LRRTM4: variants seen among roughly 807,000 people sequenced by gnomAD.
The protein encoded by LRRTM4 is leucine-rich repeat transmembrane neuronal protein 4.
In LRRTM4, 25 loss-of-function variants were observed where a neutral mutation model predicts 47.6. That is an observed-to-expected ratio of 0.53 (90% CI 0.38 to 0.73). LRRTM4 has a LOEUF of 0.73. Among genes scored for constraint, LRRTM4 ranks in the 30% least tolerant of loss-of-function variants. LRRTM4 has a pLI of 0.00. For missense variants in LRRTM4, 638 were observed against 713.4 expected (o/e 0.89, Z 1.20); for synonymous variants, 311 against 269.5 (o/e 1.15, Z -1.51).
intron 3 of LRRTM4, among the ~76,000 whole-genome samples, chr2:77,490,302 C>T (rs1678092145): frequency 1.3e-5 from 2 of 151,374 alleles, no homozygotes; most frequent in African/African-American, 2.4e-5. Flanking sequence ...TCTGACAAGA[C>T]TTGAAGAAAA....
intron 3 of LRRTM4, among the ~76,000 whole-genome samples, chr2:77,086,100 C>T (rs967562471): frequency 4.6e-5 from 7 of 152,062 alleles, no homozygotes; most frequent in Non-Finnish European, 5.9e-5. Context: ...TCACTGAAGC[C>T]GGACTGTAAA....
intron 3 of LRRTM4, among the ~76,000 whole-genome samples, chr2:77,371,447 G>A (rs2103769939): frequency 6.6e-6 from 1 of 151,642 alleles, no homozygotes; most frequent in African/African-American, 2.4e-5. Flanking sequence ...AATTTTCTCT[G>A]TACCAAATTT....
intron 3 of LRRTM4, among the ~76,000 whole-genome samples, chr2:77,112,773 C>CAA (rs1671284574): frequency 6.6e-6 from 1 of 152,132 alleles, no homozygotes; most frequent in Non-Finnish European, 1.5e-5. Context: ...CTTTATGGCC[C>CAA]ATGCCCACAG....
chr2:76,851,305 T>A (rs1350191236), intron 3 of LRRTM4, among the ~76,000 whole-genome samples: 1 of 152,146 alleles, frequency 6.6e-6, no homozygotes, highest in Non-Finnish European at 1.5e-5. Context: ...AATAAAAAAA[T>A]GATGCCATTC....
At chr2:77,430,519 C>T (rs563812035) in intron 3 of LRRTM4, among the ~76,000 whole-genome samples, 2 of 151,986 alleles carry the variant, frequency 1.3e-5, no homozygotes, top group African/African-American at 2.4e-5. Context: ...ATCGGGAGTT[C>T]GAGACCAGCC....
intron 3 of LRRTM4, among the ~76,000 whole-genome samples, chr2:76,844,723 A>G (rs970706245): frequency 3.9e-5 from 6 of 152,176 alleles, no homozygotes; most frequent in Non-Finnish European, 8.8e-5. Flanking sequence ...CCCTCTTCTG[A>G]AATCATTAAA....
chr2:77,455,807 A>AT (rs1412132321), intron 3 of LRRTM4, among the ~76,000 whole-genome samples: 1 of 151,858 alleles, frequency 6.6e-6, no homozygotes, highest in Non-Finnish European at 1.5e-5. Context: ...TCCTGTTTTT[A>AT]TTGGAAGTTG....
intron 3 of LRRTM4, among the ~76,000 whole-genome samples, chr2:77,018,182 C>T (rs13388164): frequency 0.087 from 12,955 of 148,948 alleles, 1,309 homozygotes; most frequent in African/African-American, 0.24. Flanking sequence ...AAAATAGGTC[C>T]CCCAAAGAAA....
At chr2:77,316,261 A>C (rs1178267592) in intron 3 of LRRTM4, among the ~76,000 whole-genome samples, 2 of 152,184 alleles carry the variant, frequency 1.3e-5, no homozygotes, top group Non-Finnish European at 2.9e-5. Context: ...AATATATGTA[A>C]AGCACTTTAC....
At chr2:77,222,069 A>T (rs1201655551) in intron 3 of LRRTM4, among the ~76,000 whole-genome samples, 1 of 152,188 alleles carries the variant, frequency 6.6e-6, no homozygotes, top group Admixed American at 6.5e-5. Flanking sequence ...AAACCGCTCA[A>T]CTACATGGAA....
At chr2:77,369,750 T>C (rs1349773923) in intron 3 of LRRTM4, among the ~76,000 whole-genome samples, 9 of 151,770 alleles carry the variant, frequency 5.9e-5, no homozygotes, top group Admixed American at 5.3e-4. Context: ...CTAGGCTATA[T>C]GGTATACCTA....
At chr2:77,440,630 A>T (rs1009549253) in intron 3 of LRRTM4, among the ~76,000 whole-genome samples, 5 of 152,224 alleles carry the variant, frequency 3.3e-5, no homozygotes, top group African/African-American at 1.2e-4. Context: ...ATCAGCACCG[A>T]TTCTGTTGCA....
At chr2:76,891,589 C>T (rs1250450972) in intron 3 of LRRTM4, among the ~76,000 whole-genome samples, 1 of 151,256 alleles carries the variant, frequency 6.6e-6, no homozygotes, top group Non-Finnish European at 1.5e-5. Flanking sequence ...GAAAATTTAG[C>T]ATTATAAAAG....
intron 3 of LRRTM4, among the ~76,000 whole-genome samples, chr2:77,470,725 G>GC (rs1158721604): frequency 6.6e-6 from 1 of 152,034 alleles, no homozygotes; most frequent in Non-Finnish European, 1.5e-5. Flanking sequence ...GTGAGAGAAT[G>GC]CAAAACTACT....
At chr2:76,791,340 AT>A (rs1231290495) in intron 3 of LRRTM4, among the ~76,000 whole-genome samples, 1 of 151,534 alleles carries the variant, frequency 6.6e-6, no homozygotes, top group Non-Finnish European at 1.5e-5. Context: ...TTGCTCCAAC[AT>A]TCCCATGTAG....
intron 3 of LRRTM4, among the ~76,000 whole-genome samples, chr2:77,485,466 A>C (rs1369655299): frequency 1.3e-5 from 2 of 152,240 alleles, no homozygotes; most frequent in Non-Finnish European, 2.9e-5. Context: ...ATTTTTATAT[A>C]GTTGTGGACC....
At chr2:77,091,174 C>T (rs1172697810) in intron 3 of LRRTM4, among the ~76,000 whole-genome samples, 1 of 151,790 alleles carries the variant, frequency 6.6e-6, no homozygotes, top group Admixed American at 6.6e-5. Flanking sequence ...CCTGACTATT[C>T]CTGGACTACA....
intron 3 of LRRTM4, among the ~76,000 whole-genome samples, chr2:77,088,414 G>A (rs1053885290): frequency 1.3e-5 from 2 of 152,140 alleles, no homozygotes; most frequent in African/African-American, 2.4e-5. Context: ...ATTACCTTGT[G>A]AAAGTCCTTT....
At chr2:77,354,780 A>G (rs1387729442) in intron 3 of LRRTM4, among the ~76,000 whole-genome samples, 7 of 152,178 alleles carry the variant, frequency 4.6e-5, no homozygotes, top group Non-Finnish European at 8.8e-5. Flanking sequence ...AGGGCAGGGC[A>G]GAATATGTAT....
Sources: allele counts gnomAD v4.1 joint callset (sites outside exome capture counted in the v4.1 genomes callset), GRCh38; gene constraint gnomAD v4.1.1; transcripts MANE v1.5; gene names NCBI Gene and HGNC (gene_info 2026-07-23, HGNC 2026-07-21).